Variants in AFF3 observed in about 807,000 individuals in gnomAD.
AFF3 encodes the protein ALF transcription elongation factor 3.
AFF3 carries 32 observed loss-of-function variants against 129.7 expected under a neutral mutation model. The observed-to-expected ratio is 0.25, with a 90% CI of 0.19 to 0.33. AFF3 has a LOEUF of 0.33. Among genes scored for constraint, AFF3 ranks in the 10% least tolerant of loss-of-function variants. AFF3 has a pLI of 1.00. For missense variants in AFF3, 1,373 were observed against 1,592.0 expected, an observed-to-expected ratio of 0.86 and a Z score of 2.34; for synonymous variants, 644 against 635.4, an observed-to-expected ratio of 1.01 and a Z score of -0.20.
At chr2:99,803,962 C>A (rs1199100003) in intron 8 of AFF3, among the ~76,000 whole-genome samples, 5 of 152,076 alleles carry the variant, frequency 3.3e-5, no homozygotes, top group African/African-American at 1.2e-4. Context: ...AATCTAAGAA[C>A]TGAAACCAGA....
intron 7 of AFF3, among the ~76,000 whole-genome samples, chr2:99,958,821 A>G (rs1385037804): frequency 6.6e-6 from 1 of 151,982 alleles, no homozygotes; most frequent in Non-Finnish European, 1.5e-5. Flanking sequence ...AGGAATAAGA[A>G]CATTATCAAG....
chr2:99,611,566 C>A (rs1196853701), intron 13 of AFF3, among the ~76,000 whole-genome samples: 1 of 151,984 alleles, frequency 6.6e-6, no homozygotes, highest in Non-Finnish European at 1.5e-5. Context: ...TTTTTCCCCC[C>A]ACGGTGTTTG....
chr2:99,631,512 C>T (rs1683115439), intron 13 of AFF3, among the ~76,000 whole-genome samples: 1 of 152,196 alleles, frequency 6.6e-6, no homozygotes, highest in African/African-American at 2.4e-5. Flanking sequence ...TCCCATCTTC[C>T]ATCACCCCAA....
intron 7 of AFF3, among the ~76,000 whole-genome samples, chr2:99,905,003 A>G (rs1347228701): frequency 6.6e-6 from 1 of 151,554 alleles, no homozygotes; most frequent in Non-Finnish European, 1.5e-5. Flanking sequence ...TGCTCCCACC[A>G]CTGGCTTCTT....
chr2:99,547,171 C>A lies in AFF3; in HGVS notation c.*4303G>T. 1 of 216,846 alleles carries A rather than the reference C, an allele frequency of 4.6e-6. No homozygotes were observed. The highest frequency in any genetic ancestry group is 2.2e-5 in the African/African-American group (1 of 44,560). 13.4% of individuals were successfully genotyped at this position (216,846 alleles called of 1,614,324 possible). On this transcript the variant is annotated 3_prime_UTR_variant, in exon 25 of 25. Transcript: ENST00000672756. ...TGGGAGCCAGAACAACTGACTTGAACGTATTTTGATTCTCAAGTTTCCGTG... is the reference window on the plus strand; with the variant it reads ...TGGGAGCCAGAACAACTGACTTGAAAGTATTTTGATTCTCAAGTTTCCGTG...
At chr2:99,888,398 T>G (rs1315457828) in intron 7 of AFF3, among the ~76,000 whole-genome samples, 1 of 152,230 alleles carries the variant, frequency 6.6e-6, no homozygotes, top group African/African-American at 2.4e-5. Context: ...TAGCATTTCG[T>G]TTTCTGCACC....
intron 11 of AFF3, chr2:99,707,541 T>C (rs890338552): frequency 1.0e-6 from 1 of 983,050 alleles, no homozygotes. Context: ...TTCTTTGATA[T>C]TGAATTACCA....
intron 4 of AFF3, among the ~76,000 whole-genome samples, chr2:100,062,456 G>C (rs1687368017): frequency 6.6e-6 from 1 of 152,194 alleles, no homozygotes; most frequent in Admixed American, 6.5e-5. Flanking sequence ...GGAACAAACA[G>C]TAACAACCAA....
At chr2:100,121,037 T>A (rs982832897) in intron 2 of AFF3, among the ~76,000 whole-genome samples, 52 of 152,048 alleles carry the variant, frequency 3.4e-4, no homozygotes, top group Non-Finnish European at 3.2e-4. Context: ...GGTGAAAAGG[T>A]CCGAAATATT....
chr2:99,581,483 C>G (rs2104816882), intron 17 of AFF3, among the ~76,000 whole-genome samples: 1 of 152,122 alleles, frequency 6.6e-6, no homozygotes, highest in African/African-American at 2.4e-5. Context: ...ACACTGCTCC[C>G]TCCCTCATCT....
intron 4 of AFF3, among the ~76,000 whole-genome samples, chr2:100,091,359 G>A (rs1447455418): frequency 7.9e-5 from 12 of 152,160 alleles, no homozygotes; most frequent in East Asian, 5.8e-4. Flanking sequence ...GGACAACATC[G>A]TGGGACTCCT....
chr2:99,554,773 G>C (rs753334057), intron 22 of AFF3, 41 bp from the exon 23 acceptor site: 1 of 1,610,998 alleles, frequency 6.2e-7, no homozygotes, highest in Non-Finnish European at 8.5e-7. Flanking sequence ...TGCCATCTGC[G>C]TGAGGTGAAA....
intron 12 of AFF3, among the ~76,000 whole-genome samples, chr2:99,654,469 T>C (rs557673669): frequency 1.3e-5 from 2 of 152,294 alleles, no homozygotes; most frequent in African/African-American, 2.4e-5. Flanking sequence ...GAATAAATAT[T>C]GGAATTAAAT....
chr2:100,107,286 C>G, intron 2 of AFF3: 1 of 985,238 alleles, frequency 1.0e-6, no homozygotes, highest in Non-Finnish European at 1.2e-6. Context: ...TATGGGAGAT[C>G]TTTATTATTT....
At chr2:99,559,988 C>T (rs890566377) in intron 21 of AFF3, among the ~76,000 whole-genome samples, 1 of 152,222 alleles carries the variant, frequency 6.6e-6, no homozygotes, top group African/African-American at 2.4e-5. Flanking sequence ...GCGCCGGGTG[C>T]GATGGCTCAC....
At chr2:100,135,277 C>T (rs1395982935) in intron 1 of AFF3, among the ~76,000 whole-genome samples, 1 of 152,158 alleles carries the variant, frequency 6.6e-6, no homozygotes, top group East Asian at 1.9e-4. Context: ...ATTGTCACGC[C>T]TCCCTCAGGA....
intron 11 of AFF3, among the ~76,000 whole-genome samples, chr2:99,690,559 A>C (rs966017567): frequency 3.3e-5 from 5 of 152,124 alleles, no homozygotes; most frequent in African/African-American, 1.2e-4. Flanking sequence ...TCTATTATGG[A>C]ATCAGACCAG....
intron 13 of AFF3, among the ~76,000 whole-genome samples, chr2:99,635,744 T>C (rs1683590228): frequency 1.3e-5 from 2 of 152,176 alleles, no homozygotes; most frequent in Admixed American, 1.3e-4. Flanking sequence ...TCATTAACCT[T>C]GGGCAAGTGG....
chr2:99,602,711 A>G (rs1163224196), intron 13 of AFF3, among the ~76,000 whole-genome samples: 5 of 152,226 alleles, frequency 3.3e-5, no homozygotes, highest in Non-Finnish European at 2.9e-5. Context: ...CCGAGCATCA[A>G]TGAAGGCCAG....
Sources: gnomAD v4.1 joint callset for allele counts (sites outside exome capture counted in the v4.1 genomes callset) on GRCh38, gnomAD v4.1.1 for gene constraint, MANE v1.5 for transcripts, NCBI Gene and HGNC (gene_info 2026-07-23, HGNC 2026-07-21) for gene names.